Variants in ZBTB16 observed in about 807,000 individuals in gnomAD.
ZBTB16 encodes the protein zinc finger and BTB domain-containing protein 16.
A neutral mutation model predicts 56.8 loss-of-function variants in ZBTB16; 8 were observed. The observed-to-expected ratio is 0.14, with a 90% confidence interval of 0.08 to 0.25. ZBTB16 has a LOEUF of 0.25. ZBTB16 is among the 10% of genes least tolerant of loss of function. The probability of loss-of-function intolerance (pLI) is 1.00; values close to 1 mark genes in which losing one functional copy is unlikely to be tolerated. For synonymous variants in ZBTB16, 363 were observed against 368.5 expected, an observed-to-expected ratio of 0.98 and a Z score of 0.17; for missense variants, 625 against 903.0, an observed-to-expected ratio of 0.69 and a Z score of 3.95.
chr11:114,143,380 A>T lies in ZBTB16; in HGVS notation c.1269-12957A>T, dbSNP rs1942009741. Reference sequence around the variant, plus strand: ...CAAGCAGATGCACCCTAGTGAGTACATCTGCTCCAACAGAAACACACTTAA... The same window carrying T: ...CAAGCAGATGCACCCTAGTGAGTACTTCTGCTCCAACAGAAACACACTTAA... On this transcript the variant is annotated intron_variant, in intron 2 of 6. Coordinates refer to ENST00000335953, the MANE Select transcript of ZBTB16 (RefSeq NM_006006.6). The surrounding 1 kb of genome is among the most constrained non-coding windows in gnomAD (Gnocchi z 6.4). Among the ~76,000 whole-genome samples the T allele has an allele frequency of 6.6e-6, 1 of 152,086 alleles. No homozygotes were observed. Among genetic ancestry groups the T allele is most frequent in the Non-Finnish European group, 1.5e-5 (1 of 68,034 alleles).
chr11:114,210,499 C>T (rs1341809768), intron 4 of ZBTB16: 2 of 232,096 alleles, frequency 8.6e-6, no homozygotes, highest in Non-Finnish European at 1.7e-5. Flanking sequence ...AAAAAGCCCT[C>T]TTGCTAAGCT....
At chr11:114,155,661 A>G (rs1942391856) in intron 2 of ZBTB16, among the ~76,000 whole-genome samples, 1 of 152,176 alleles carries the variant, frequency 6.6e-6, no homozygotes, top group Non-Finnish European at 1.5e-5. Flanking sequence ...GATGTTATCC[A>G]GTTTCTTGAA....
chr11:114,167,097 T>C (rs1942778100), intron 3 of ZBTB16, among the ~76,000 whole-genome samples: 1 of 152,120 alleles, frequency 6.6e-6, no homozygotes, highest in South Asian at 2.1e-4. Flanking sequence ...AAATTTAAAA[T>C]TGTAATTGGC....
intron 3 of ZBTB16, among the ~76,000 whole-genome samples, chr11:114,174,646 TATTTCAACAA>T (rs1224274472): frequency 6.6e-6 from 1 of 152,242 alleles, no homozygotes; most frequent in Non-Finnish European, 1.5e-5. Context: ...CTCTAGGTAA[TATTTCAACAA>T]ATGAAAGAAA....
In ZBTB16 at chr11:114,119,417, G is replaced by T. The variant is rs561629809; in HGVS notation, c.1269-36920G>T. ...GTGTACAGGTTCACTCTCTACCACT[G>T]CTTTCCCCTTTGCTGACCTGGACTG... is the stretch of plus-strand genomic sequence containing the variant. On this transcript the variant is annotated intron_variant, in intron 2 of 6. Transcript: ENST00000335953. 2.6e-5 allele frequency among the ~76,000 whole-genome samples: 4 copies of T among 151,940 alleles called. No homozygotes were observed. The South Asian group carries it at 8.3e-4, about 32-fold the overall frequency.
chr11:114,096,126 G>T (rs1456470338), intron 2 of ZBTB16, among the ~76,000 whole-genome samples: 1 of 152,140 alleles, frequency 6.6e-6, no homozygotes, highest in Non-Finnish European at 1.5e-5. Flanking sequence ...ATTCCTCATG[G>T]TCTGAGCAAC....
chr11:114,098,831 G>T (rs1461339614), intron 2 of ZBTB16, among the ~76,000 whole-genome samples: 3 of 151,938 alleles, frequency 2.0e-5, no homozygotes, highest in Admixed American at 1.3e-4. Flanking sequence ...TGGGTTCTTG[G>T]TGAGGGGAAA....
intron 4 of ZBTB16, among the ~76,000 whole-genome samples, chr11:114,203,649 T>G (rs1416705827): frequency 1.4e-5 from 2 of 141,584 alleles, no homozygotes; most frequent in East Asian, 4.2e-4. Context: ...TCAATTAAAA[T>G]AAAAAACAAC....
intron 4 of ZBTB16, chr11:114,189,548 G>A (rs948705188): frequency 1.7e-4 from 26 of 152,290 alleles, no homozygotes; most frequent in Admixed American, 7.8e-4. Flanking sequence ...GGCAGATCAT[G>A]AGGTCAGGAG....
intron 2 of ZBTB16, among the ~76,000 whole-genome samples, chr11:114,087,444 C>T (rs529688550): frequency 2.8e-4 from 43 of 152,328 alleles, no homozygotes; most frequent in African/African-American, 1.0e-3. Context: ...TCAACACCTT[C>T]CTCTCGAATC....
chr11:114,127,180 G>A lies in ZBTB16; in HGVS notation c.1269-29157G>A, dbSNP rs552521936. On this transcript the variant is annotated intron_variant, in intron 2 of 6. Coordinates refer to ENST00000335953, the MANE Select transcript of ZBTB16 (RefSeq NM_006006.6). Reference sequence around the variant, plus strand: ...CTCAGCGTGATGGTGGGAGGGGGTCGTATGCATTTTCAAAGCCTTTCCTGT... The same window carrying A: ...CTCAGCGTGATGGTGGGAGGGGGTCATATGCATTTTCAAAGCCTTTCCTGT... Among the ~76,000 whole-genome samples, 16 of 152,246 alleles carry A rather than the reference G, an allele frequency of 1.1e-4. No individual in the cohort carries two copies. The South Asian group carries it at 2.3e-3, about 22-fold the overall frequency.
At chr11:114,076,084 A>T (rs191501698) in intron 2 of ZBTB16, among the ~76,000 whole-genome samples, 64 of 152,246 alleles carry the variant, frequency 4.2e-4, no homozygotes, top group Admixed American at 3.9e-3. Flanking sequence ...GCCCCTGGTG[A>T]CAAAGGAGTG....
intron 4 of ZBTB16, among the ~76,000 whole-genome samples, chr11:114,235,694 T>TTTCTTTCTTTC: frequency 3.0e-5 from 1 of 33,824 alleles, no homozygotes; most frequent in South Asian, 1.1e-3. Flanking sequence ...TTCTTTCTTT[T>TTTCTTTCTTTC]CTTTCTTTCT....
At chr11:114,240,502 G>A (rs1392205951) in intron 4 of ZBTB16, among the ~76,000 whole-genome samples, 2 of 134,100 alleles carry the variant, frequency 1.5e-5, no homozygotes, top group Admixed American at 9.2e-5. Flanking sequence ...GCCTACTTAC[G>A]TTTCCTGCTT....
At chr11:114,118,419 T>C (rs561235804) in intron 2 of ZBTB16, among the ~76,000 whole-genome samples, 2 of 152,240 alleles carry the variant, frequency 1.3e-5, no homozygotes, top group South Asian at 4.2e-4. Flanking sequence ...TCAAGTGATC[T>C]GCTTGCCTCA....
intron 2 of ZBTB16, among the ~76,000 whole-genome samples, chr11:114,115,831 T>C (rs1941154679): frequency 6.6e-6 from 1 of 152,148 alleles, no homozygotes; most frequent in Non-Finnish European, 1.5e-5. Context: ...AGGCAGGCGC[T>C]GCCCCTACCC....
intron 2 of ZBTB16, among the ~76,000 whole-genome samples, chr11:114,123,156 C>G (rs1198462229): frequency 6.6e-6 from 1 of 152,138 alleles, no homozygotes; most frequent in African/African-American, 2.4e-5. Context: ...ACCTTAATTA[C>G]TTCCTTACGG....
At chr11:114,062,767 A>G (rs998312742) in intron 1 of ZBTB16, among the ~76,000 whole-genome samples, 4 of 152,228 alleles carry the variant, frequency 2.6e-5, no homozygotes, top group African/African-American at 9.6e-5. Context: ...GTTTAAAGAT[A>G]AGGCTTGACA....
At chr11:114,148,465 C>CTTTCTTTCTTTCTTTCTT (rs1187503856) in intron 2 of ZBTB16, among the ~76,000 whole-genome samples, 4 of 53,534 alleles carry the variant, frequency 7.5e-5, no homozygotes, top group South Asian at 8.0e-4. Flanking sequence ...CTGTCTCTCT[C>CTTTCTTTCTTTCTTTCTT]TCTCTCTTTC....
Sources: allele counts gnomAD v4.1 joint callset (sites outside exome capture counted in the v4.1 genomes callset), GRCh38; gene constraint gnomAD v4.1.1; non-coding constraint Gnocchi (gnomAD v3.1); transcripts MANE v1.5; gene names NCBI Gene and HGNC (gene_info 2026-07-23, HGNC 2026-07-21).